Variants in SLCO1A2 observed in about 807,000 individuals in gnomAD.
SLCO1A2 encodes the protein OATP-1.
Under a neutral mutation model 69.0 loss-of-function variants are expected in SLCO1A2, and 67 were observed. The observed-to-expected ratio is 0.97, with a 90% CI of 0.80 to 1.19. The LOEUF is 1.19. Among genes scored for constraint, SLCO1A2 ranks in the 50% most tolerant of loss-of-function variants. The pLI is 0.00. For synonymous variants in SLCO1A2, 260 were observed against 265.9 expected (o/e 0.98, Z 0.22); for missense variants, 787 against 793.7 (o/e 0.99, Z 0.10).
intron 7 of SLCO1A2, among the ~76,000 whole-genome samples, chr12:21,300,913 TA>T (rs1476397548): frequency 1.3e-5 from 2 of 152,224 alleles, no homozygotes; most frequent in African/African-American, 4.8e-5. Context: ...TTAAATTTTG[TA>T]AAACCAAGAA....
At position 21,274,463 on chromosome 12, in the gene SLCO1A2, C is replaced by A. The variant is rs746541279; in HGVS notation, c.1793+6G>T. The A allele has an allele frequency of 6.4e-7, 1 of 1,569,424 alleles. No homozygotes were observed. On this transcript the variant is annotated splice_donor_region_variant and intron_variant, in intron 14 of 14. Transcript: ENST00000683939. Reference sequence around the variant, plus strand: ...AAAACAATTTTAAACAAATTATTATCTTTACCTGAAGGTGGTGGAATCATA... The same window carrying A: ...AAAACAATTTTAAACAAATTATTATATTTACCTGAAGGTGGTGGAATCATA...
At chr12:21,365,182 C>T (rs1939273478) in intron 2 of SLCO1A2, among the ~76,000 whole-genome samples, 1 of 152,202 alleles carries the variant, frequency 6.6e-6, no homozygotes. Context: ...CAGCATGGTA[C>T]TGGTACCAAA....
intron 12 of SLCO1A2, among the ~76,000 whole-genome samples, chr12:21,287,809 A>G (rs1235251795): frequency 8.8e-6 from 1 of 113,198 alleles, no homozygotes; most frequent in Non-Finnish European, 1.8e-5. Flanking sequence ...GGAATTGAAC[A>G]ATGAGATCAC....
chr12:21,360,401 G>C (rs1486091595), intron 2 of SLCO1A2, among the ~76,000 whole-genome samples: 1 of 152,154 alleles, frequency 6.6e-6, no homozygotes, highest in Admixed American at 6.5e-5. Context: ...TTTAAAGAAA[G>C]CTCCAATAAG....
intron 14 of SLCO1A2, among the ~76,000 whole-genome samples, chr12:21,273,483 C>A (rs1295010063): frequency 6.6e-6 from 1 of 152,160 alleles, no homozygotes; most frequent in Non-Finnish European, 1.5e-5. Context: ...GTAGATTTTT[C>A]TCATGGATAC....
At chr12:21,340,938 T>C (rs1953048748) in intron 2 of SLCO1A2, among the ~76,000 whole-genome samples, 1 of 151,958 alleles carries the variant, frequency 6.6e-6, no homozygotes, top group East Asian at 1.9e-4. Flanking sequence ...TATATACAAT[T>C]AGAGATAATA....
At chr12:21,331,024 A>T (rs988872315) in intron 2 of SLCO1A2, among the ~76,000 whole-genome samples, 10 of 152,148 alleles carry the variant, frequency 6.6e-5, no homozygotes, top group Non-Finnish European at 1.5e-4. Flanking sequence ...CTTACCAAAA[A>T]TACCTCTTTA....
chr12:21,305,726 T>C (rs11838023), intron 5 of SLCO1A2, among the ~76,000 whole-genome samples: 10,819 of 152,334 alleles, frequency 0.071, 1,235 homozygotes, highest in African/African-American at 0.24. Flanking sequence ...ATTAATGTCA[T>C]TGTTTTCCTT....
Position 21,318,967 on chromosome 12 carries a change from A to G in SLCO1A2, c.61-44T>C, listed in dbSNP as rs1591837852. 2.1e-6 allele frequency: 3 copies of G among 1,457,982 alleles called. No individual in the cohort carries two copies. In the East Asian group the frequency reaches 7.0e-5, roughly 34 times the overall value. 90.3% of individuals were successfully genotyped at this position (1,457,982 alleles called of 1,614,324 possible). A position where few individuals can be genotyped will look rare whatever the true frequency, so the allele number is the denominator to read the frequency against. ...AAAACGTAGAAAAAATTATTTTTAA[A>G]TTGTATACTTGCCGTCTGTTGACAA... On this transcript the variant is annotated intron_variant, in intron 2 of 14. Transcript: ENST00000683939.
upstream of SLCO1A2, chr12:21,334,951 T>G: frequency 4.2e-6 from 1 of 236,804 alleles, no homozygotes; most frequent in Non-Finnish European, 8.1e-6. Context: ...GATATTAGAA[T>G]TGTTTGTTAT....
intron 12 of SLCO1A2, among the ~76,000 whole-genome samples, chr12:21,281,351 G>GAGGC (rs1049867952): frequency 2.0e-5 from 3 of 152,024 alleles, no homozygotes; most frequent in Non-Finnish European, 4.4e-5. Context: ...TCAGGAGGCT[G>GAGGC]AGGCAGAAGA....
intron 1 of SLCO1A2, among the ~76,000 whole-genome samples, chr12:21,380,353 A>G (rs1940510111): frequency 1.3e-5 from 2 of 152,216 alleles, no homozygotes; most frequent in Non-Finnish European, 2.9e-5. Flanking sequence ...CCAGGAATTA[A>G]ACAAGAAGAA....
intron 1 of SLCO1A2, among the ~76,000 whole-genome samples, chr12:21,412,448 T>C (rs1442834925): frequency 1.3e-5 from 2 of 152,190 alleles, no homozygotes; most frequent in Non-Finnish European, 2.9e-5. Flanking sequence ...TCCTTTTCCT[T>C]CTAAGTTACT....
chr12:21,333,529 T>C (rs922875832), intron 2 of SLCO1A2, among the ~76,000 whole-genome samples: 3 of 152,110 alleles, frequency 2.0e-5, no homozygotes, highest in African/African-American at 7.2e-5. Context: ...TATTAAGCAA[T>C]TGCCTCTCAC....
In SLCO1A2 at chr12:21,292,287, A is replaced by T. The variant is rs771091795; in HGVS notation, c.1487T>A (p.Val496Asp). 6.2e-7 allele frequency: 1 copy of T among 1,612,300 alleles called. No homozygotes were observed. The change falls in exon 12 of 15, where the codon GTT becomes GAT. Residue 496 changes from valine (V) to aspartate (D), a missense_variant. Physicochemically the swap from Val to Asp is radical, Grantham distance 152. Transcript: ENST00000683939. Reference protein sequence around the residue: ...CIQTSGNSSAVLGLCDKGPDC... With the variant: ...CIQTSGNSSADLGLCDKGPDC... ...AGGTCCTTTGTCGCACAGCCCAAGA[A>T]CTGCAGATGAATTTCCTGATGTTTG...
At chr12:21,394,349 T>C (rs1941311979) in intron 1 of SLCO1A2, among the ~76,000 whole-genome samples, 2 of 147,604 alleles carry the variant, frequency 1.4e-5, no homozygotes, top group Admixed American at 7.0e-5. Context: ...CTTGGCAACA[T>C]GATGAAACCA....
Position 21,373,738 on chromosome 12 carries a change from T to C in SLCO1A2, c.-63+661A>G, listed in dbSNP as rs1330169011. ...AAGCGGGAAAAAAATCAAAAGGTAG[T>C]AATTTCTTCTATATTAACCTGATAC... On this transcript the variant is annotated intron_variant, in intron 2 of 15. Coordinates refer to the SLCO1A2 transcript ENST00000307378. The C allele has an allele frequency of 1.3e-5, 9 of 700,980 alleles. No homozygotes were observed. The South Asian group carries it at 1.3e-4, about 10-fold the overall frequency. 43.4% of individuals were successfully genotyped at this position (700,980 alleles called of 1,614,324 possible). A position where few individuals can be genotyped will look rare whatever the true frequency, so the allele number is the denominator to read the frequency against.
At position 21,394,509 on chromosome 12, in the gene SLCO1A2, T is replaced by G. The variant is rs1941325303; in HGVS notation, c.-190+397A>C. ...GTGAGCTGTGATCGTACCACCACAC[T>G]CCAGCCTGGGTGACAGAGAGAGACA... On this transcript the variant is annotated intron_variant, in intron 1 of 15. Transcript: ENST00000307378. 4.8e-5 allele frequency among the ~76,000 whole-genome samples: 7 copies of G among 145,462 alleles called. No homozygotes were observed. In the Admixed American group the frequency reaches 4.9e-4, roughly 10 times the overall value.
chr12:21,296,476 C>T (rs1414056702), intron 9 of SLCO1A2, among the ~76,000 whole-genome samples: 1 of 152,154 alleles, frequency 6.6e-6, no homozygotes, highest in Non-Finnish European at 1.5e-5. Flanking sequence ...CTCCTGGCCT[C>T]AAGTGATCCT....
Sources: allele counts gnomAD v4.1 joint callset (sites outside exome capture counted in the v4.1 genomes callset), GRCh38; gene constraint gnomAD v4.1.1; transcripts MANE v1.5; gene names NCBI Gene and HGNC (gene_info 2026-07-23, HGNC 2026-07-21).